Variants in LHFPL6 observed in about 807,000 individuals in gnomAD.
The protein encoded by LHFPL6 is LHFPL tetraspan subfamily member 6 protein.
In LHFPL6, 9 loss-of-function variants were observed where a neutral mutation model predicts 20.6. The ratio of observed to expected loss-of-function variants is 0.44; its 90% CI spans 0.26 to 0.76. LHFPL6 has a LOEUF of 0.76. Ranked by LOEUF, LHFPL6 falls within the 30% of genes least tolerant of loss-of-function variation. The pLI is 0.20. For missense variants in LHFPL6, 218 were observed against 253.5 expected, an observed-to-expected ratio of 0.86 and a Z score of 0.95; for synonymous variants, 105 against 98.7, an observed-to-expected ratio of 1.06 and a Z score of -0.38.
At chr13:39,592,754 C>T (rs1441486696) in intron 2 of LHFPL6, among the ~76,000 whole-genome samples, 1 of 152,152 alleles carries the variant, frequency 6.6e-6, no homozygotes, top group African/African-American at 2.4e-5. Flanking sequence ...TCCAGCAGCA[C>T]ATCAAAAAGC....
chr13:39,598,712 C>T (rs1237033698), intron 2 of LHFPL6, among the ~76,000 whole-genome samples: 10 of 152,090 alleles, frequency 6.6e-5, no homozygotes, highest in African/African-American at 1.9e-4. Context: ...CCCACCACCA[C>T]GCCTGGCTAA....
intron 2 of LHFPL6, among the ~76,000 whole-genome samples, chr13:39,574,173 A>G (rs1460035481): frequency 6.6e-6 from 1 of 152,210 alleles, no homozygotes; most frequent in Non-Finnish European, 1.5e-5. Flanking sequence ...ACACTATCTT[A>G]GAAAGATATA....
At chr13:39,391,413 T>C in intron 2 of LHFPL6, among the ~76,000 whole-genome samples, 1 of 152,144 alleles carries the variant, frequency 6.6e-6, no homozygotes, top group East Asian at 1.9e-4. Flanking sequence ...GTATGTTTCC[T>C]CATCAGTTAA....
Position 39,378,518 on chromosome 13 carries a change from T to C in LHFPL6, c.394A>G (p.Ile132Val), listed in dbSNP as rs1272544062. Reference sequence around the variant, plus strand: ...GGGTAGAGGGCACAGCCAGCACCAATCAACAAGCCTGCAAAGAGATAAGAC... The same window carrying C: ...GGGTAGAGGGCACAGCCAGCACCAACCAACAAGCCTGCAAAGAGATAAGAC... ...GGIQFLGGLL[I>V]GAGCALYPLG... is the part of the protein sequence containing the mutation. The change falls in exon 3 of 4, where the codon ATT becomes GTT. Residue 132 changes from isoleucine (I) to valine (V), a missense_variant. Physicochemically the swap from Ile to Val is conservative, Grantham distance 29. Transcript: ENST00000379589. 1 of 1,613,482 alleles carries C rather than the reference T, an allele frequency of 6.2e-7. No homozygotes were observed. The highest frequency in any genetic ancestry group is 8.5e-7 in the Non-Finnish European group (1 of 1,179,622).
rs1330715979 is a variant in LHFPL6 at position 39,445,970 on chromosome 13, T to C, written c.386-67444A>G. 2.0e-5 allele frequency among the ~76,000 whole-genome samples: 3 copies of C among 152,328 alleles called. No homozygotes were observed. In the East Asian group the frequency reaches 5.8e-4, roughly 29 times the overall value. On this transcript the variant is annotated intron_variant, in intron 2 of 3. Coordinates refer to ENST00000379589, the MANE Select transcript of LHFPL6 (RefSeq NM_005780.3). ...CATTTTTCTCTCCACAAAAAAGAGC[T>C]AATAATCTTAGAAGGAGAATTAAAA...
intron 2 of LHFPL6, among the ~76,000 whole-genome samples, chr13:39,586,681 C>T (rs182653723): frequency 8.5e-5 from 13 of 152,296 alleles, no homozygotes; most frequent in Admixed American, 6.5e-4. Flanking sequence ...CCTTTTCTTT[C>T]TATTCCCACA....
chr13:39,569,148 T>TGGATGGATGGACGGAC (rs71080313), intron 2 of LHFPL6, among the ~76,000 whole-genome samples: 2 of 144,504 alleles, frequency 1.4e-5, no homozygotes, highest in East Asian at 2.2e-4. Context: ...GATGGATGGA[T>TGGATGGATGGACGGAC]GGACGGACGG....
chr13:39,469,915 G>A (rs1017953888), intron 2 of LHFPL6, among the ~76,000 whole-genome samples: 10 of 152,116 alleles, frequency 6.6e-5, no homozygotes, highest in Admixed American at 4.6e-4. Context: ...AGATGGCATC[G>A]CTACTACACT....
intron 2 of LHFPL6, among the ~76,000 whole-genome samples, chr13:39,424,764 A>C (rs1227832200): frequency 2.0e-5 from 3 of 152,192 alleles, no homozygotes; most frequent in Non-Finnish European, 2.9e-5. Flanking sequence ...TAATATATTA[A>C]TGTGAAAATT....
intron 2 of LHFPL6, among the ~76,000 whole-genome samples, chr13:39,516,700 T>G (rs1869932542): frequency 6.6e-6 from 1 of 152,242 alleles, no homozygotes; most frequent in Non-Finnish European, 1.5e-5. Context: ...GCCAAGGCAC[T>G]TGGCCTCTGT....
chr13:39,577,480 A>C (rs185075747), intron 2 of LHFPL6, among the ~76,000 whole-genome samples: 18 of 152,336 alleles, frequency 1.2e-4, no homozygotes, highest in African/African-American at 2.6e-4. Flanking sequence ...CAAGAGCTCC[A>C]CTTGTCTCTA....
intron 2 of LHFPL6, among the ~76,000 whole-genome samples, chr13:39,585,980 C>CA (rs1872435815): frequency 6.6e-6 from 1 of 151,972 alleles, no homozygotes; most frequent in East Asian, 1.9e-4. Context: ...AGATTTTTCT[C>CA]AAAAAAATAT....
intron 2 of LHFPL6, among the ~76,000 whole-genome samples, chr13:39,464,277 C>A (rs758662787): frequency 2.0e-5 from 3 of 152,152 alleles, no homozygotes; most frequent in Non-Finnish European, 4.4e-5. Flanking sequence ...CCAATTAAAT[C>A]TTTCCAATGA....
chr13:39,566,004 T>C (rs1268562832), intron 2 of LHFPL6, among the ~76,000 whole-genome samples: 3 of 152,232 alleles, frequency 2.0e-5, no homozygotes, highest in Non-Finnish European at 2.9e-5. Context: ...ATTTTTAAAT[T>C]ATTATGCCCT....
At chr13:39,587,232 G>A (rs1468612242) in intron 2 of LHFPL6, among the ~76,000 whole-genome samples, 3 of 151,508 alleles carry the variant, frequency 2.0e-5, no homozygotes, top group African/African-American at 4.8e-5. Flanking sequence ...TCCTCTCCAC[G>A]TTAGTCCCTA....
At chr13:39,510,187 T>TA (rs1277600946) in intron 2 of LHFPL6, among the ~76,000 whole-genome samples, 1 of 152,080 alleles carries the variant, frequency 6.6e-6, no homozygotes, top group Non-Finnish European at 1.5e-5. Flanking sequence ...TCAAAGCACT[T>TA]CACGTGAGAG....
chr13:39,530,392 G>A (rs181289745), intron 2 of LHFPL6, among the ~76,000 whole-genome samples: 16 of 152,126 alleles, frequency 1.1e-4, no homozygotes, highest in East Asian at 3.9e-4. Context: ...AGGTATGAGC[G>A]GGGGCAAACT....
intron 2 of LHFPL6, among the ~76,000 whole-genome samples, chr13:39,456,551 G>A (rs1872574423): frequency 6.6e-6 from 1 of 152,070 alleles, no homozygotes; most frequent in Admixed American, 6.5e-5. Flanking sequence ...GTAATGCAAG[G>A]CAATTAATGT....
intron 2 of LHFPL6, among the ~76,000 whole-genome samples, chr13:39,592,599 G>A (rs906955407): frequency 7.2e-5 from 11 of 152,054 alleles, no homozygotes; most frequent in Non-Finnish European, 1.5e-4. Context: ...AGAAAAAGAG[G>A]GAATCCTCCC....
Sources: allele counts gnomAD v4.1 joint callset (sites outside exome capture counted in the v4.1 genomes callset), GRCh38; gene constraint gnomAD v4.1.1; transcripts MANE v1.5; gene names NCBI Gene and HGNC (gene_info 2026-07-23, HGNC 2026-07-21).